The following SEM1 variants were observed in gnomAD, a reference collection of about 807,000 sequenced individuals.
The protein encoded by SEM1 is 26S proteasome complex subunit SEM1.
SEM1 carries 3 observed loss-of-function variants against 12.7 expected under a neutral mutation model. The observed-to-expected ratio is 0.24, with a 90% CI of 0.11 to 0.61. SEM1 has a LOEUF of 0.61. Among genes scored for constraint, SEM1 ranks in the 20% least tolerant of loss-of-function variants. SEM1 has a pLI of 0.88. For synonymous variants in SEM1, 30 were observed against 27.8 expected (o/e 1.08, Z -0.25); for missense variants, 59 against 81.3 (o/e 0.73, Z 1.06).
upstream of SEM1, among the ~76,000 whole-genome samples, chr7:96,500,152 G>T (rs1803465303): frequency 6.6e-6 from 1 of 151,938 alleles, no homozygotes; most frequent in East Asian, 1.9e-4. Context: ...ATACATTTTA[G>T]TCTCCATGAT....
At chr7:96,625,204 ACACCTCAGGGTGCCAGCG>A (rs1808023164) in intron 2 of SEM1, among the ~76,000 whole-genome samples, 1 of 152,126 alleles carries the variant, frequency 6.6e-6, no homozygotes, top group Non-Finnish European at 1.5e-5. Flanking sequence ...TTCTCCTCCC[ACACCTCAGGGTGCCAGCG>A]CATCTACAAG....
chr7:96,686,626 C>G (rs1285461710), downstream of SEM1, among the ~76,000 whole-genome samples: 1 of 152,090 alleles, frequency 6.6e-6, no homozygotes, highest in Non-Finnish European at 1.5e-5. Context: ...TTACCTTATA[C>G]AAAAATTAAT....
chr7:96,674,772 C>T (rs1393256640), intron 2 of SEM1, among the ~76,000 whole-genome samples: 1 of 152,102 alleles, frequency 6.6e-6, no homozygotes, highest in Non-Finnish European at 1.5e-5. Context: ...TCCACTGAAC[C>T]CTGTGCTGGG....
chr7:96,661,916 A>G (rs1014330108), intron 2 of SEM1, among the ~76,000 whole-genome samples: 5 of 143,344 alleles, frequency 3.5e-5, no homozygotes, highest in Non-Finnish European at 7.5e-5. Context: ...TGAACCCGGG[A>G]GGTAGAGGTT....
intron 2 of SEM1, among the ~76,000 whole-genome samples, chr7:96,515,796 T>C (rs900314182): frequency 6.6e-6 from 1 of 152,070 alleles, no homozygotes; most frequent in Admixed American, 6.6e-5. Flanking sequence ...AAACACCACA[T>C]GTTCTCACTC....
intron 2 of SEM1, among the ~76,000 whole-genome samples, chr7:96,543,750 A>G (rs1312428036): frequency 6.6e-6 from 1 of 152,034 alleles, no homozygotes; most frequent in East Asian, 1.9e-4. Context: ...TTGACTACCA[A>G]ATACATGCAG....
At chr7:96,693,104 A>C (rs2115860970) in intron 2 of SEM1, among the ~76,000 whole-genome samples, 1 of 152,118 alleles carries the variant, frequency 6.6e-6, no homozygotes, top group East Asian at 1.9e-4. Flanking sequence ...AATAAAAAAA[A>C]ATGCAGTGTA....
At chr7:96,686,721 G>C (rs930166111), downstream of SEM1, among the ~76,000 whole-genome samples, 1 of 152,078 alleles carries the variant, frequency 6.6e-6, no homozygotes, top group Non-Finnish European at 1.5e-5. Flanking sequence ...TCAGGACATA[G>C]GCATGGGCAA....
At chr7:96,703,753 C>A (rs2116010107) in intron 1 of SEM1, among the ~76,000 whole-genome samples, 1 of 152,060 alleles carries the variant, frequency 6.6e-6, no homozygotes, top group Non-Finnish European at 1.5e-5. Context: ...CAGTACCAGC[C>A]TGGGCAACAT....
intron 1 of SEM1, 38 bp downstream of exon 1, chr7:96,709,650 C>T (rs1441461124): frequency 6.2e-7 from 1 of 1,603,206 alleles, no homozygotes; most frequent in Non-Finnish European, 8.5e-7. Flanking sequence ...GCCTGAGTCA[C>T]CGTTCGCGCG....
intron 2 of SEM1, among the ~76,000 whole-genome samples, chr7:96,609,585 C>T (rs948004393): frequency 2.6e-5 from 4 of 152,110 alleles, no homozygotes; most frequent in Non-Finnish European, 4.4e-5. Flanking sequence ...GAATGTGAGT[C>T]TTCTTAATTT....
intron 2 of SEM1, among the ~76,000 whole-genome samples, chr7:96,565,739 C>T (rs1805826252): frequency 6.6e-6 from 1 of 151,856 alleles, no homozygotes; most frequent in African/African-American, 2.4e-5. Context: ...AACCCTAGCT[C>T]TGTCAGAGAT....
chr7:96,627,841 A>T (rs1245176363), intron 2 of SEM1, among the ~76,000 whole-genome samples: 2 of 152,210 alleles, frequency 1.3e-5, no homozygotes, highest in Admixed American at 1.3e-4. Context: ...TGTCTGGAAG[A>T]TCTGTCCAAT....
downstream of SEM1, among the ~76,000 whole-genome samples, chr7:96,619,628 G>A (rs2116274809): frequency 6.6e-6 from 1 of 152,188 alleles, no homozygotes; most frequent in African/African-American, 2.4e-5. Flanking sequence ...ATGTGGGTGT[G>A]TTCTCAGACC....
intron 2 of SEM1, among the ~76,000 whole-genome samples, chr7:96,529,543 A>G (rs557770365): frequency 6.9e-4 from 105 of 152,238 alleles, no homozygotes; most frequent in Non-Finnish European, 1.0e-3. Flanking sequence ...TTGGTATTTC[A>G]ATTATCATAA....
chr7:96,652,471 C>T (rs1809031665), intron 2 of SEM1, among the ~76,000 whole-genome samples: 1 of 151,564 alleles, frequency 6.6e-6, no homozygotes, highest in Admixed American at 6.6e-5. Context: ...GAAAAATAAT[C>T]ACCAACACAA....
intron 1 of SEM1, among the ~76,000 whole-genome samples, chr7:96,704,823 T>G (rs1290319897): frequency 2.0e-5 from 3 of 152,220 alleles, no homozygotes; most frequent in African/African-American, 7.2e-5. Context: ...ACATTTAAGA[T>G]TCTAAGGAAT....
intron 1 of SEM1, among the ~76,000 whole-genome samples, chr7:96,493,451 T>C (rs926890917): frequency 6.6e-6 from 1 of 152,154 alleles, no homozygotes; most frequent in Non-Finnish European, 1.5e-5. Flanking sequence ...CCTTCTCCTA[T>C]AGTCTGCCAT....
At chr7:96,704,797 G>C in intron 1 of SEM1, among the ~76,000 whole-genome samples, 1 of 152,102 alleles carries the variant, frequency 6.6e-6, no homozygotes, top group East Asian at 1.9e-4. Context: ...ATCAATACTG[G>C]TCACATCTAT....
Sources: allele counts gnomAD v4.1 joint callset (sites outside exome capture counted in the v4.1 genomes callset), GRCh38; gene constraint gnomAD v4.1.1; transcripts MANE v1.5; gene names NCBI Gene and HGNC (gene_info 2026-07-23, HGNC 2026-07-21).